TRIP12: variants seen among roughly 807,000 people sequenced by gnomAD.
The protein encoded by TRIP12 is thyroid hormone receptor interactor 12.
Under a neutral mutation model 244.2 loss-of-function variants are expected in TRIP12, and 25 were observed. The ratio of observed to expected loss-of-function variants is 0.10; its 90% CI spans 0.07 to 0.14. TRIP12 has a LOEUF of 0.14. Among genes scored for constraint, TRIP12 ranks in the 10% least tolerant of loss-of-function variants. The pLI is 1.00. For synonymous variants in TRIP12, 905 were observed against 873.1 expected, an observed-to-expected ratio of 1.04 and a Z score of -0.64; for missense variants, 1,677 against 2,486.4, an observed-to-expected ratio of 0.67 and a Z score of 6.92.
chr2:229,917,846 C>T (rs1411458737), intron 1 of TRIP12, among the ~76,000 whole-genome samples: 1 of 152,152 alleles, frequency 6.6e-6, no homozygotes, highest in Non-Finnish European at 1.5e-5. Flanking sequence ...TGCATGCCAC[C>T]ATGCCCAGCT....
intron 17 of TRIP12, among the ~76,000 whole-genome samples, chr2:229,806,585 G>C (rs904134066): frequency 6.6e-6 from 1 of 152,150 alleles, no homozygotes; most frequent in African/African-American, 2.4e-5. Flanking sequence ...AAGGTGCAAT[G>C]ATCAGGAAAA....
chr2:229,787,761 T>C (rs1160405444), intron 32 of TRIP12, 100 bp from the exon 33 acceptor site: 6 of 1,072,190 alleles, frequency 5.6e-6, no homozygotes, highest in African/African-American at 3.2e-5. Context: ...TGATATGATA[T>C]AGAAAATTGT....
chr2:229,867,449 G>A (rs2154343171), intron 2 of TRIP12, among the ~76,000 whole-genome samples: 1 of 152,188 alleles, frequency 6.6e-6, no homozygotes, highest in East Asian at 1.9e-4. Flanking sequence ...ACAGGTATGA[G>A]CCACTGTGCC....
At chr2:229,885,543 A>C (rs1054146463) in intron 1 of TRIP12, among the ~76,000 whole-genome samples, 3 of 152,244 alleles carry the variant, frequency 2.0e-5, no homozygotes, top group African/African-American at 7.2e-5. Flanking sequence ...CAGATAAAGA[A>C]GGAAATGACT....
chr2:229,807,916 C>A, intron 16 of TRIP12, 52 bp from the exon 17 acceptor site: 1 of 1,519,562 alleles, frequency 6.6e-7, no homozygotes, highest in Non-Finnish European at 8.9e-7. Flanking sequence ...TATTAGTAAA[C>A]GTTAGGTCTC....
At chr2:229,809,469 GA>G (rs1167128940) in intron 15 of TRIP12, among the ~76,000 whole-genome samples, 2 of 151,448 alleles carry the variant, frequency 1.3e-5, no homozygotes, top group African/African-American at 2.4e-5. Context: ...TATACTAAAA[GA>G]AAAAAAATGT....
chr2:229,898,537 A>G (rs966117504), intron 1 of TRIP12, among the ~76,000 whole-genome samples: 6 of 152,196 alleles, frequency 3.9e-5, no homozygotes, highest in Non-Finnish European at 7.4e-5. Context: ...CTCTCAGGCC[A>G]ATTTACTTAT....
chr2:229,854,522 T>C (rs2059268166), intron 4 of TRIP12, among the ~76,000 whole-genome samples: 1 of 152,226 alleles, frequency 6.6e-6, no homozygotes, highest in South Asian at 2.1e-4. Flanking sequence ...ATAGCTATTA[T>C]GCCCATTTTA....
intron 34 of TRIP12, among the ~76,000 whole-genome samples, chr2:229,783,273 T>C (rs181465922): frequency 1.5e-3 from 226 of 152,358 alleles, no homozygotes; most frequent in African/African-American, 4.9e-3. Flanking sequence ...GCCATGCTCA[T>C]TCAGTGTCTA....
rs1369830922 is a variant in TRIP12 at position 229,778,302 on chromosome 2, A to G, written c.5364+131T>C. 1 of 1,186,526 alleles carries G rather than the reference A, an allele frequency of 8.4e-7. No individual in the cohort carries two copies. The highest frequency in any genetic ancestry group is 1.2e-6 in the Non-Finnish European group (1 of 845,750). 73.5% of individuals were successfully genotyped at this position (1,186,526 alleles called of 1,614,324 possible). A position where few individuals can be genotyped will look rare whatever the true frequency, so the allele number is the denominator to read the frequency against. ...AACCGGCATTTTTAACAAAATCCCC[A>G]AGTAATTCATATGTGTATTGAAGTT... On this transcript the variant is annotated intron_variant, in intron 36 of 41. Coordinates refer to ENST00000675903, the MANE Select transcript of TRIP12 (RefSeq NM_001348323.3). This position sits in a 1 kb window ranked among gnomAD's most constrained non-coding sequence, Gnocchi z 4.1.
At chr2:229,864,588 T>C (rs1321819107) in intron 2 of TRIP12, among the ~76,000 whole-genome samples, 1 of 151,974 alleles carries the variant, frequency 6.6e-6, no homozygotes, top group Non-Finnish European at 1.5e-5. Context: ...TTTGGTGTAA[T>C]GTCTTCAAAT....
At chr2:229,839,953 A>C (rs2055962608) in intron 5 of TRIP12, among the ~76,000 whole-genome samples, 2 of 152,236 alleles carry the variant, frequency 1.3e-5, no homozygotes, top group African/African-American at 4.8e-5. Context: ...GAGAACACAC[A>C]TAATAACTAC....
Position 229,808,591 on chromosome 2 carries a change from C to T in TRIP12, c.2222-222G>A, listed in dbSNP as rs540935028. On this transcript the variant is annotated intron_variant, in intron 15 of 41. Transcript: ENST00000675903. ...CTTTCTGGAGACTTCGTTCTTTAGT[C>T]CAAACCTAGCTGGGTGCCTAATCAC... Among the ~76,000 whole-genome samples, 10 of 152,290 alleles carry T rather than the reference C, an allele frequency of 6.6e-5. No individual in the cohort carries two copies. The East Asian group carries it at 1.7e-3, about 26-fold the overall frequency.
chr2:229,859,622 C>A, intron 3 of TRIP12, 48 bp from the exon 4 acceptor site: 1 of 1,552,526 alleles, frequency 6.4e-7, no homozygotes, highest in South Asian at 1.2e-5. Context: ...GTCATAATTA[C>A]AACTGTCATA....
At chr2:229,797,534 A>C (rs563565225) in intron 24 of TRIP12, among the ~76,000 whole-genome samples, 156 bp downstream of exon 24, 10 of 152,358 alleles carry the variant, frequency 6.6e-5, no homozygotes, top group African/African-American at 2.4e-4. Context: ...TCAAGGGATA[A>C]GTAAAAGAAA....
At chr2:229,899,250 C>T (rs1031765870) in intron 1 of TRIP12, among the ~76,000 whole-genome samples, 2 of 152,026 alleles carry the variant, frequency 1.3e-5, no homozygotes, top group Non-Finnish European at 2.9e-5. Flanking sequence ...AATTTATATA[C>T]GCAATCACTT....
intron 1 of TRIP12, among the ~76,000 whole-genome samples, chr2:229,915,938 T>A (rs1317914800): frequency 6.6e-6 from 1 of 152,196 alleles, no homozygotes; most frequent in Non-Finnish European, 1.5e-5. Flanking sequence ...CAAGTGATCC[T>A]CCTGCCTCAG....
At chr2:229,835,931 G>A (rs1559744247) in intron 6 of TRIP12, among the ~76,000 whole-genome samples, 2 of 151,854 alleles carry the variant, frequency 1.3e-5, no homozygotes. Flanking sequence ...ACAAATATGG[G>A]AAAAAACTCC....
chr2:229,849,655 G>A (rs556073670), intron 4 of TRIP12, among the ~76,000 whole-genome samples: 7 of 151,932 alleles, frequency 4.6e-5, no homozygotes, highest in Non-Finnish European at 1.0e-4. Flanking sequence ...TTGAGTCCAG[G>A]AGTTTGAGAC....
Sources: allele counts gnomAD v4.1 joint callset (sites outside exome capture counted in the v4.1 genomes callset), GRCh38; gene constraint gnomAD v4.1.1; non-coding constraint Gnocchi (gnomAD v3.1); transcripts MANE v1.5; gene names NCBI Gene and HGNC (gene_info 2026-07-23, HGNC 2026-07-21).